The following NKAIN2 variants were observed in gnomAD, a reference collection of about 807,000 sequenced individuals.
The protein encoded by NKAIN2 is sodium/potassium transporting ATPase interacting 2, also known as sodium/potassium-transporting ATPase subunit beta-1-interacting protein 2.
Under a neutral mutation model 32.6 loss-of-function variants are expected in NKAIN2, and 14 were observed. The ratio of observed to expected loss-of-function variants is 0.43; its 90% CI spans 0.28 to 0.67. NKAIN2 has a LOEUF of 0.67. NKAIN2 is among the 30% of genes least tolerant of loss of function. NKAIN2 has a pLI of 0.17. For synonymous variants in NKAIN2, 80 were observed against 87.2 expected (o/e 0.92, Z 0.46); for missense variants, 198 against 258.3 (o/e 0.77, Z 1.60).
chr6:124,047,065 C>T (rs949118223), intron 1 of NKAIN2, among the ~76,000 whole-genome samples: 21 of 151,924 alleles, frequency 1.4e-4, no homozygotes, highest in African/African-American at 4.1e-4. Context: ...AGGTTTGGGG[C>T]AAAAGGTCAC....
intron 1 of NKAIN2, among the ~76,000 whole-genome samples, chr6:124,262,633 T>A (rs1434633182): frequency 6.6e-6 from 1 of 152,180 alleles, no homozygotes; most frequent in Non-Finnish European, 1.5e-5. Flanking sequence ...AAGGGATTTA[T>A]CACATATGAG....
intron 1 of NKAIN2, among the ~76,000 whole-genome samples, chr6:124,058,992 A>G (rs1247069654): frequency 6.6e-6 from 1 of 152,108 alleles, no homozygotes; most frequent in African/African-American, 2.4e-5. Flanking sequence ...ATAAGTTAGG[A>G]CAACAGGCAT....
intron 1 of NKAIN2, among the ~76,000 whole-genome samples, chr6:124,183,888 T>C (rs925297393): frequency 3.9e-5 from 6 of 152,180 alleles, no homozygotes; most frequent in Non-Finnish European, 8.8e-5. Flanking sequence ...AAATGCGTTT[T>C]TGATTATCAT....
chr6:124,681,475 T>C (rs186088422), intron 4 of NKAIN2, among the ~76,000 whole-genome samples: 1 of 152,188 alleles, frequency 6.6e-6, no homozygotes, highest in East Asian at 1.9e-4. Context: ...AGAGAATAAT[T>C]AATAGCTTGA....
At chr6:124,040,800 T>C (rs1781835696) in intron 1 of NKAIN2, among the ~76,000 whole-genome samples, 1 of 151,954 alleles carries the variant, frequency 6.6e-6, no homozygotes, top group Admixed American at 6.6e-5. Context: ...TCTTCCCATA[T>C]ATAAAAAGGG....
chr6:124,551,599 T>C (rs1054953081), intron 3 of NKAIN2, among the ~76,000 whole-genome samples: 2 of 152,194 alleles, frequency 1.3e-5, no homozygotes, highest in Non-Finnish European at 2.9e-5. Flanking sequence ...TTACTGCTTT[T>C]GTCAGGGAAA....
At chr6:124,286,408 T>C (rs953639914) in intron 2 of NKAIN2, among the ~76,000 whole-genome samples, 4 of 152,142 alleles carry the variant, frequency 2.6e-5, no homozygotes, top group African/African-American at 9.7e-5. Flanking sequence ...TTAAGGCTTT[T>C]ACTATATAAT....
At chr6:123,911,669 G>A (rs1775182780) in intron 1 of NKAIN2, among the ~76,000 whole-genome samples, 1 of 151,212 alleles carries the variant, frequency 6.6e-6, no homozygotes, top group Non-Finnish European at 1.5e-5. Context: ...TGGAGAAGAA[G>A]CATTTGAAAT....
intron 1 of NKAIN2, among the ~76,000 whole-genome samples, chr6:123,938,400 A>T (rs916564876): frequency 8.6e-3 from 13 of 1,518 alleles, no homozygotes; most frequent in African/African-American, 0.022. Flanking sequence ...CAAGGGTTAT[A>T]TATATATATA....
intron 1 of NKAIN2, among the ~76,000 whole-genome samples, chr6:124,080,898 A>G (rs948566381): frequency 6.6e-6 from 1 of 152,178 alleles, no homozygotes; most frequent in Admixed American, 6.6e-5. Flanking sequence ...CTTCAGAGAA[A>G]TCAGGAGTCC....
intron 2 of NKAIN2, among the ~76,000 whole-genome samples, chr6:124,330,860 A>G (rs752980323): frequency 6.6e-6 from 1 of 152,080 alleles, no homozygotes; most frequent in Non-Finnish European, 1.5e-5. Context: ...TTCTCACAGG[A>G]GCGCCAACCC....
At chr6:124,355,083 G>A (rs1798910590) in intron 2 of NKAIN2, among the ~76,000 whole-genome samples, 184 bp from the exon 3 acceptor site, 1 of 139,648 alleles carries the variant, frequency 7.2e-6, no homozygotes, top group South Asian at 2.3e-4. Flanking sequence ...AAAAAAAAAA[G>A]GAAAGAAGGA....
At chr6:123,885,786 CTTAG>C (rs1264391334) in intron 1 of NKAIN2, among the ~76,000 whole-genome samples, 2 of 151,810 alleles carry the variant, frequency 1.3e-5, no homozygotes, top group Admixed American at 6.6e-5. Flanking sequence ...TTGCCTCTTA[CTTAG>C]TATGAATTTT....
At chr6:124,592,789 T>C (rs772502855) in intron 3 of NKAIN2, among the ~76,000 whole-genome samples, 38 of 152,202 alleles carry the variant, frequency 2.5e-4, no homozygotes, top group Non-Finnish European at 5.1e-4. Flanking sequence ...TCCTCTGCTT[T>C]GGTTTTCTTG....
At chr6:124,683,290 A>G (rs1182974494) in intron 4 of NKAIN2, among the ~76,000 whole-genome samples, 1 of 152,192 alleles carries the variant, frequency 6.6e-6, no homozygotes, top group East Asian at 1.9e-4. Context: ...TGTGGGCAAC[A>G]AGATAAGTCT....
intron 1 of NKAIN2, among the ~76,000 whole-genome samples, chr6:123,988,961 C>T (rs1338527851): frequency 6.6e-6 from 1 of 151,304 alleles, no homozygotes. Flanking sequence ...AGGAGAAGAT[C>T]TTTTGTTTAA....
At chr6:124,604,585 A>T (rs1782428817) in intron 3 of NKAIN2, among the ~76,000 whole-genome samples, 1 of 151,642 alleles carries the variant, frequency 6.6e-6, no homozygotes, top group South Asian at 2.1e-4. Flanking sequence ...CTTCCTCATT[A>T]TCTCCACCAG....
intron 1 of NKAIN2, among the ~76,000 whole-genome samples, chr6:123,821,060 G>T (rs1295602920): frequency 6.6e-6 from 1 of 152,138 alleles, no homozygotes; most frequent in Non-Finnish European, 1.5e-5. Context: ...CATTGATCAG[G>T]ATTCATTTGG....
intron 3 of NKAIN2, among the ~76,000 whole-genome samples, chr6:124,472,625 A>G (rs754626776): frequency 6.6e-6 from 1 of 152,014 alleles, no homozygotes; most frequent in Non-Finnish European, 1.5e-5. Flanking sequence ...AGCATAAACA[A>G]TGATACACGC....
Sources: gnomAD v4.1 joint callset for allele counts (sites outside exome capture counted in the v4.1 genomes callset) on GRCh38, gnomAD v4.1.1 for gene constraint, MANE v1.5 for transcripts, NCBI Gene and HGNC (gene_info 2026-07-23, HGNC 2026-07-21) for gene names.